Variants in MYCBP2 observed in about 807,000 individuals in gnomAD.
The protein encoded by MYCBP2 is E3 ubiquitin-protein ligase MYCBP2.
MYCBP2 carries 120 observed loss-of-function variants against 525.3 expected under a neutral mutation model. The observed-to-expected ratio is 0.23, with a 90% CI of 0.20 to 0.27. The LOEUF (loss-of-function observed/expected upper bound fraction) is 0.27, where lower values mean the gene tolerates loss of function less well. MYCBP2 is among the 10% of genes least tolerant of loss of function. The probability of loss-of-function intolerance (pLI) is 1.00; values close to 1 mark genes in which losing one functional copy is unlikely to be tolerated. For missense variants in MYCBP2, 4,149 were observed against 5,657.1 expected (o/e 0.73, Z 8.55); for synonymous variants, 1,894 against 1,955.8 (o/e 0.97, Z 0.83).
Position 77,168,464 on chromosome 13 carries a change from C to T in MYCBP2, c.6078G>A (p.Glu2026=), listed in dbSNP as rs773414511. 1 of 1,614,090 alleles carries T rather than the reference C, an allele frequency of 6.2e-7. No homozygotes were observed. The highest frequency in any genetic ancestry group is 1.1e-5 in the South Asian group (1 of 91,070). Residue 2026 remains glutamate, a synonymous_variant, in exon 40 of 83, where the codon GAG becomes GAA. Transcript: ENST00000544440. ...TCACACAGGCAGGTTTATACGGGTG[C>T]TCACTCTCTATGACAGCATAGTGAC... ...TSSHYAVIES[E]HPYKPACVMH...
rs1216859169 is a variant in MYCBP2 at position 77,243,065 on chromosome 13, C to T, written c.2623G>A (p.Gly875Arg). The change falls in exon 17 of 83, where the codon GGA (glycine) becomes AGA (arginine). Residue 875 changes from glycine (G) to arginine (R), a missense_variant. Transcript: ENST00000544440. ...RVIRRHRLEE[G>R]RGPLVFAGPI... The stretch of plus-strand genomic sequence containing the variant: ...CTCTGTAGCTACATCTTACCTCTTC[C>T]TTCCTCTAATCTGTGCCTTCTGATT... 6.2e-7 allele frequency: 1 copy of T among 1,613,870 alleles called. No individual in the cohort carries two copies. Among genetic ancestry groups the T allele is most frequent in the East Asian group, 2.2e-5 (1 of 44,866 alleles).
rs144228579 is a variant in MYCBP2, at chr13:77,161,512, T to C, written c.6597+394A>G. ...TCACCAACTGTACCAACCTCACCTTTTGCTGCTTCTTATAACACAACTATA... is the reference window on the plus strand; with the variant it reads ...TCACCAACTGTACCAACCTCACCTTCTGCTGCTTCTTATAACACAACTATA... On this transcript the variant is annotated intron_variant, in intron 44 of 82. Transcript: ENST00000544440. 1.0e-3 allele frequency among the ~76,000 whole-genome samples: 157 copies of C among 152,372 alleles called. 1 individual carries two copies. Among genetic ancestry groups the C allele is most frequent in the Middle Eastern group, 3.4e-3 (1 of 294 alleles).
chr13:77,178,727 G>A (rs939347593), intron 34 of MYCBP2, among the ~76,000 whole-genome samples: 2 of 152,172 alleles, frequency 1.3e-5, no homozygotes, highest in Non-Finnish European at 2.9e-5. Flanking sequence ...ACTTCTCTGA[G>A]AAAGAAATAT....
At chr13:77,125,066 T>C (rs1594752675) in intron 54 of MYCBP2, among the ~76,000 whole-genome samples, 1 of 152,182 alleles carries the variant, frequency 6.6e-6, no homozygotes, top group African/African-American at 2.4e-5. Flanking sequence ...AAGAGGTATA[T>C]AAATTTATAT....
At chr13:77,270,770 T>C (rs1458621513) in intron 5 of MYCBP2, among the ~76,000 whole-genome samples, 1 of 152,140 alleles carries the variant, frequency 6.6e-6, no homozygotes, top group Admixed American at 6.6e-5. Flanking sequence ...CTGTAAAATC[T>C]TAGCCATTAT....
At chr13:77,234,937 C>T (rs2067682263) in intron 17 of MYCBP2, among the ~76,000 whole-genome samples, 1 of 151,982 alleles carries the variant, frequency 6.6e-6, no homozygotes, top group African/African-American at 2.4e-5. Context: ...TAATGTCTTG[C>T]TAAATTCAAT....
At chr13:77,078,624 G>A (rs1312152355) in intron 66 of MYCBP2, among the ~76,000 whole-genome samples, 200 bp downstream of exon 66, 1 of 152,128 alleles carries the variant, frequency 6.6e-6, no homozygotes, top group Non-Finnish European at 1.5e-5. Flanking sequence ...GAACATTTAG[G>A]AAAACAGGTG....
At chr13:77,187,230 A>T (rs2060813956) in intron 30 of MYCBP2, among the ~76,000 whole-genome samples, 1 of 152,238 alleles carries the variant, frequency 6.6e-6, no homozygotes, top group African/African-American at 2.4e-5. Context: ...CAGAAAAGTG[A>T]GATCACTAAA....
rs1235027722 is a variant in MYCBP2, at chr13:77,081,247, A to G, written c.11418+180T>C. 1.7e-6 allele frequency: 1 copy of G among 587,446 alleles called. No individual in the cohort carries two copies. The allele number at this position is 587,446 out of a possible 1,614,324, so 36.4% of individuals were successfully genotyped here. A position where few individuals can be genotyped will look rare whatever the true frequency, so the allele number is the denominator to read the frequency against. On this transcript the variant is annotated intron_variant, in intron 65 of 82. Transcript: ENST00000544440. This position sits in a 1 kb window ranked among gnomAD's most constrained non-coding sequence, Gnocchi z 4.6. ...CCTCTTTTCAGAAATGGAATTCCAC[A>G]GTGCTCCCAATCATATTAATTTGTT... is the stretch of plus-strand genomic sequence containing the variant.
rs115859076 is a variant in MYCBP2 at position 77,130,692 on chromosome 13, G to A, written c.7660-4150C>T. 9.3e-3 allele frequency among the ~76,000 whole-genome samples: 1,418 copies of A among 152,196 alleles called. 21 individuals are homozygous for A. The highest frequency in any genetic ancestry group is 0.032 in the African/African-American group (1,324 of 41,540). On this transcript the variant is annotated intron_variant, in intron 52 of 82. Transcript: ENST00000544440. ...AAAATGTCTATACTGGTTCATCCAC[G>A]TATATAAGAATTTGTAGAGTACTTG... is the stretch of plus-strand genomic sequence containing the variant.
chr13:77,064,743 C>G lies in MYCBP2; in HGVS notation c.12553-9G>C. 6.2e-7 allele frequency: 1 copy of G among 1,612,722 alleles called. No homozygotes were observed. Among genetic ancestry groups the G allele is most frequent in the Non-Finnish European group, 8.5e-7 (1 of 1,179,326 alleles). ...GCTTCTGACAGATGACCCTATTGAGCAGAACAGAGTATTTTAATAAGTGAC... is the reference window on the plus strand; with the variant it reads ...GCTTCTGACAGATGACCCTATTGAGGAGAACAGAGTATTTTAATAAGTGAC... On this transcript the variant is annotated splice_polypyrimidine_tract_variant and intron_variant, in intron 72 of 82. Transcript: ENST00000544440.
Position 77,126,241 on chromosome 13 carries a change from C to A in MYCBP2, c.7884+77G>T, listed in dbSNP as rs879166693. On this transcript the variant is annotated intron_variant, in intron 53 of 82. Transcript: ENST00000544440. ...GAAAAACCTGTGGTAGAAATGGCAA[C>A]CTTTAGAAGAGATGCTTTGGTTGTA... The A allele has an allele frequency of 2.4e-5, 31 of 1,281,988 alleles. 1 individual carries two copies. In the South Asian group the frequency reaches 4.1e-4, roughly 17 times the overall value. The allele number at this position is 1,281,988 out of a possible 1,614,324, so 79.4% of individuals were successfully genotyped here. A position where few individuals can be genotyped will look rare whatever the true frequency, so the allele number is the denominator to read the frequency against.
chr13:77,080,026 T>G (rs2043027557), intron 65 of MYCBP2, among the ~76,000 whole-genome samples: 1 of 152,228 alleles, frequency 6.6e-6, no homozygotes, highest in African/African-American at 2.4e-5. Flanking sequence ...TTGCTTAAAA[T>G]GTACCATGAG....
chr13:77,156,836 T>C (rs189289764), intron 45 of MYCBP2, among the ~76,000 whole-genome samples: 15 of 152,342 alleles, frequency 9.8e-5, no homozygotes, highest in Admixed American at 7.8e-4. Context: ...TACCATGCAT[T>C]ACATAAAAAC....
chr13:77,085,034 T>G (rs1223461670), intron 62 of MYCBP2, among the ~76,000 whole-genome samples: 2 of 152,016 alleles, frequency 1.3e-5, no homozygotes, highest in African/African-American at 2.4e-5. Flanking sequence ...TATGAACAAT[T>G]GTTTTAAATA....
Position 77,081,283 on chromosome 13 carries a change from A to T in MYCBP2, c.11418+144T>A, listed in dbSNP as rs879491202. 9.9e-6 allele frequency: 7 copies of T among 705,870 alleles called. No individual in the cohort carries two copies. In the Admixed American group the frequency reaches 1.6e-4, roughly 17 times the overall value. The allele number at this position is 705,870 out of a possible 1,614,324, so 43.7% of individuals were successfully genotyped here. ...TCATATTAATTTGTTTTTAGACTTA[A>T]GATTTATTTGGGGATTATAGCAATG... On this transcript the variant is annotated intron_variant, in intron 65 of 82. Coordinates refer to ENST00000544440, the MANE Select transcript of MYCBP2 (RefSeq NM_015057.5). The surrounding 1 kb of genome is among the most constrained non-coding windows in gnomAD (Gnocchi z 4.6).
rs537666652 is a variant in MYCBP2 at position 77,143,270 on chromosome 13, T to C, written c.7303+1175A>G. ...TTTCCAGACAAGACTGGCGTGTGAG[T>C]GTGAGTGGAGTAGGTGGAGAAGATC... On this transcript the variant is annotated intron_variant, in intron 49 of 82. Transcript: ENST00000544440. 8.5e-5 allele frequency among the ~76,000 whole-genome samples: 13 copies of C among 152,188 alleles called. No individual in the cohort carries two copies. The East Asian group carries it at 2.5e-3, about 29-fold the overall frequency.
At chr13:77,099,292 C>A in intron 55 of MYCBP2, 1 of 367,944 alleles carries the variant, frequency 2.7e-6, no homozygotes, top group South Asian at 3.7e-5. Flanking sequence ...CAACCTCTGC[C>A]CTAGTGCAAT....
At chr13:77,288,511 G>T in intron 2 of MYCBP2, 135 bp from the exon 3 acceptor site, 1 of 772,878 alleles carries the variant, frequency 1.3e-6, no homozygotes, top group Non-Finnish European at 2.0e-6. Context: ...GACAGTCTAA[G>T]TCTATGGACC....
Sources: gnomAD v4.1 joint callset for allele counts (sites outside exome capture counted in the v4.1 genomes callset) on GRCh38, gnomAD v4.1.1 for gene constraint, Gnocchi (gnomAD v3.1) non-coding constraint, MANE v1.5 for transcripts, NCBI Gene and HGNC (gene_info 2026-07-23, HGNC 2026-07-21) for gene names.